The following CSMD1 variants were observed in gnomAD, a reference collection of about 807,000 sequenced individuals.
CSMD1 encodes CUB and Sushi multiple domains 1.
In CSMD1, 213 loss-of-function variants were observed where a neutral mutation model predicts 417.5. The ratio of observed to expected loss-of-function variants is 0.51; its 90% CI spans 0.46 to 0.57. The LOEUF (loss-of-function observed/expected upper bound fraction) is 0.57. Ranked by LOEUF, CSMD1 falls within the 20% of genes least tolerant of loss-of-function variation. The probability of loss-of-function intolerance (pLI) is 0.00; values close to 1 mark genes in which losing one functional copy is unlikely to be tolerated. For synonymous variants in CSMD1, 2,862 were observed against 1,736.8 expected (o/e 1.65, Z -16.11); for missense variants, 6,923 against 4,529.7 (o/e 1.53, Z -15.17).
At chr8:4,164,863 C>A (rs561816450) in intron 3 of CSMD1, among the ~76,000 whole-genome samples, 6 of 135,740 alleles carry the variant, frequency 4.4e-5, no homozygotes, top group African/African-American at 1.7e-4. Flanking sequence ...AGCAACAGAG[C>A]AAGACTCCAT....
chr8:4,316,755 C>G (rs748715985), intron 3 of CSMD1, among the ~76,000 whole-genome samples: 1 of 152,008 alleles, frequency 6.6e-6, no homozygotes, highest in Non-Finnish European at 1.5e-5. Context: ...AGTGGTCGAA[C>G]GCCCCCAAAA....
chr8:3,952,925 G>C (rs777062450), intron 5 of CSMD1, among the ~76,000 whole-genome samples: 1 of 152,124 alleles, frequency 6.6e-6, no homozygotes, highest in Non-Finnish European at 1.5e-5. Context: ...TGCAATTTAT[G>C]TCTTCATTAA....
chr8:4,311,738 A>C (rs1029270410), intron 3 of CSMD1, among the ~76,000 whole-genome samples: 2 of 151,690 alleles, frequency 1.3e-5, no homozygotes, highest in African/African-American at 4.9e-5. Context: ...AAAAAAAAAA[A>C]AAGTAGAATC....
intron 3 of CSMD1, among the ~76,000 whole-genome samples, chr8:4,122,161 A>G (rs1802521264): frequency 1.3e-5 from 2 of 152,254 alleles, no homozygotes; most frequent in South Asian, 2.1e-4. Context: ...TATTTTCCTG[A>G]CAGACTTGAT....
Position 4,651,938 on chromosome 8 carries a change from G to C in CSMD1, c.86-14380C>G, listed in dbSNP as rs144999710. On this transcript the variant is annotated intron_variant, in intron 1 of 69. Coordinates refer to ENST00000635120, the MANE Select transcript of CSMD1 (RefSeq NM_033225.6). ...GCTAGTATGATTTAGAGACCTGATA[G>C]GGAGAACTTTAACTCAATCCTCTGG... Among the ~76,000 whole-genome samples the C allele has an allele frequency of 8.5e-3, 1,296 of 152,240 alleles. 6 individuals are homozygous for C. Among genetic ancestry groups the C allele is most frequent in the Non-Finnish European group, 0.011 (764 of 68,004 alleles).
At chr8:3,998,218 C>A in intron 4 of CSMD1, 108 bp from the exon 5 acceptor site, 1 of 916,320 alleles carries the variant, frequency 1.1e-6, no homozygotes, top group Non-Finnish European at 1.6e-6. Context: ...TTTCTGAACC[C>A]AAAATTGAGA....
At chr8:4,567,681 G>C (rs1187407273) in intron 2 of CSMD1, among the ~76,000 whole-genome samples, 2 of 152,032 alleles carry the variant, frequency 1.3e-5, no homozygotes, top group African/African-American at 2.4e-5. Context: ...CCCAGATGCT[G>C]ATTTTCACAA....
intron 3 of CSMD1, among the ~76,000 whole-genome samples, chr8:4,208,838 A>C (rs1800133033): frequency 6.6e-6 from 1 of 152,204 alleles, no homozygotes. Context: ...TCTGGTTGGA[A>C]AATTGAGGTA....
intron 3 of CSMD1, among the ~76,000 whole-genome samples, chr8:4,344,942 T>A (rs568682390): frequency 1.3e-5 from 2 of 152,234 alleles, no homozygotes; most frequent in East Asian, 1.9e-4. Flanking sequence ...TGGTCTCTGT[T>A]CCAATGTGCA....
rs776408855 is a variant in CSMD1, at chr8:2,938,584, G to A, written c.*1C>T. 6.2e-7 allele frequency: 1 copy of A among 1,610,714 alleles called. No homozygotes were observed. The highest frequency in any genetic ancestry group is 1.1e-5 in the South Asian group (1 of 90,174). On this transcript the variant is annotated 3_prime_UTR_variant, in exon 70 of 70. Coordinates refer to ENST00000635120, the MANE Select transcript of CSMD1 (RefSeq NM_033225.6). ...AATCAGTCCTGTTGGGGCACTGAGG[G>A]CTATACCACTGTACAGACTGTGTTC... is the stretch of plus-strand genomic sequence containing the variant.
intron 2 of CSMD1, among the ~76,000 whole-genome samples, chr8:4,594,899 G>C (rs1800174216): frequency 6.6e-6 from 1 of 152,090 alleles, no homozygotes; most frequent in Non-Finnish European, 1.5e-5. Flanking sequence ...AAAGGAATGT[G>C]GATGGTTATA....
At chr8:3,336,326 T>C (rs928206022) in intron 23 of CSMD1, among the ~76,000 whole-genome samples, 6 of 152,178 alleles carry the variant, frequency 3.9e-5, no homozygotes, top group African/African-American at 9.7e-5. Context: ...CCATCACAAA[T>C]TGTAGGCATT....
chr8:4,540,330 A>T (rs1334954686), intron 2 of CSMD1, among the ~76,000 whole-genome samples: 1 of 152,178 alleles, frequency 6.6e-6, no homozygotes, highest in East Asian at 1.9e-4. Context: ...AAACTTTTCC[A>T]TGCAACCAAA....
At chr8:3,707,974 G>A (rs754291793) in intron 7 of CSMD1, among the ~76,000 whole-genome samples, 1 of 152,208 alleles carries the variant, frequency 6.6e-6, no homozygotes, top group African/African-American at 2.4e-5. Context: ...GAAGGACGTA[G>A]ACATTGCCCG....
chr8:3,988,559 A>G (rs1023194300), intron 5 of CSMD1, among the ~76,000 whole-genome samples: 2 of 152,210 alleles, frequency 1.3e-5, no homozygotes, highest in African/African-American at 4.8e-5. Context: ...GAACTGCTAG[A>G]TCACGGTCTG....
intron 12 of CSMD1, among the ~76,000 whole-genome samples, chr8:3,421,476 T>C (rs1813484829): frequency 6.6e-6 from 1 of 152,226 alleles, no homozygotes; most frequent in South Asian, 2.1e-4. Context: ...CTTCATTTTA[T>C]TTACACAAAA....
At chr8:2,999,119 C>T (rs568874540) in intron 53 of CSMD1, among the ~76,000 whole-genome samples, 42 of 150,294 alleles carry the variant, frequency 2.8e-4, no homozygotes, top group African/African-American at 9.7e-4. Context: ...GTTGATCATT[C>T]ATTACATGTA....
At chr8:4,150,579 G>T (rs1358462261) in intron 3 of CSMD1, among the ~76,000 whole-genome samples, 1 of 152,138 alleles carries the variant, frequency 6.6e-6, no homozygotes, top group East Asian at 1.9e-4. Context: ...TCATAACTCA[G>T]GTACAGGTAA....
intron 5 of CSMD1, among the ~76,000 whole-genome samples, chr8:3,952,783 G>C (rs912136756): frequency 1.3e-5 from 2 of 152,092 alleles, no homozygotes; most frequent in Non-Finnish European, 2.9e-5. Flanking sequence ...AACAAAAGAA[G>C]TACTTGATTA....
Sources: gnomAD v4.1 joint callset for allele counts (sites outside exome capture counted in the v4.1 genomes callset) on GRCh38, gnomAD v4.1.1 for gene constraint, MANE v1.5 for transcripts, NCBI Gene and HGNC (gene_info 2026-07-23, HGNC 2026-07-21) for gene names.